The following CNBD2 variants were observed in gnomAD, a reference collection of about 807,000 sequenced individuals.
CNBD2 encodes the protein cyclic nucleotide binding domain containing 2.
CNBD2 carries 64 observed loss-of-function variants against 63.7 expected under a neutral mutation model. That is an observed-to-expected ratio of 1.00 (90% confidence interval 0.82 to 1.24). The LOEUF is 1.24. CNBD2 is among the 50% of genes most tolerant of loss of function. The pLI is 0.00. For missense variants in CNBD2, 691 were observed against 713.5 expected (o/e 0.97, Z 0.36); for synonymous variants, 229 against 255.4 (o/e 0.90, Z 0.99).
chr20:35,968,285 G>A (rs2056364443), upstream of CNBD2, among the ~76,000 whole-genome samples: 1 of 152,162 alleles, frequency 6.6e-6, no homozygotes, highest in Non-Finnish European at 1.5e-5. Context: ...ACACTGTCAT[G>A]GCACTGGTAG....
intron 8 of CNBD2, among the ~76,000 whole-genome samples, chr20:36,000,753 ATTTTT>A (rs34139279): frequency 8.2e-6 from 1 of 121,610 alleles, no homozygotes. Context: ...TGTGTATGAA[ATTTTT>A]TTTTTTTTTT....
intron 7 of CNBD2, among the ~76,000 whole-genome samples, chr20:35,990,065 G>A (rs1358122334): frequency 6.6e-6 from 1 of 152,088 alleles, no homozygotes; most frequent in African/African-American, 2.4e-5. Context: ...CGTCTATTGT[G>A]TCTCTATGGT....
At chr20:36,028,820 C>CGT (rs1288609801) in intron 11 of CNBD2, among the ~76,000 whole-genome samples, 1 of 151,980 alleles carries the variant, frequency 6.6e-6, no homozygotes. Context: ...GGATTACAGG[C>CGT]GTGTGCCACC....
At chr20:36,015,607 G>A (rs910931660) in intron 10 of CNBD2, among the ~76,000 whole-genome samples, 1 of 152,184 alleles carries the variant, frequency 6.6e-6, no homozygotes, top group African/African-American at 2.4e-5. Context: ...AGCTAGGGGA[G>A]GGGGCAGGAA....
chr20:36,026,325 G>A (rs371977490), intron 11 of CNBD2, among the ~76,000 whole-genome samples: 2 of 152,172 alleles, frequency 1.3e-5, no homozygotes, highest in East Asian at 1.9e-4. Context: ...GAGCCACCGC[G>A]CCTGGCCTCC....
In CNBD2 at chr20:35,997,822, CTTGT is replaced by C. The variant is rs781269444; in HGVS notation, c.970+2675_970+2678del. On this transcript the variant is annotated intron_variant, in intron 8 of 11. Coordinates refer to ENST00000373973, the MANE Select transcript of CNBD2 (RefSeq NM_001365709.1). ...GTAAATGTTTCTTCTCATGTCAATT[CTTGT>C]TTGTCACTTTTCCACTGTCAATCCA... Among the ~76,000 whole-genome samples, 93 of 152,110 alleles carry C rather than the reference CTTGT, an allele frequency of 6.1e-4. 2 individuals carry two copies. The highest frequency in any genetic ancestry group is 1.7e-3 in the Admixed American group (26 of 15,268).
chr20:35,994,577 AAAAAAAAAAAAG>A (rs1478685298), intron 7 of CNBD2, among the ~76,000 whole-genome samples: 32 of 144,338 alleles, frequency 2.2e-4, no homozygotes, highest in African/African-American at 7.4e-4. Context: ...TTTTCATTTA[AAAAAAAAAAAAG>A]AAAAAAAAAA....
At chr20:36,016,269 T>C (rs1376094931) in intron 10 of CNBD2, among the ~76,000 whole-genome samples, 1 of 152,134 alleles carries the variant, frequency 6.6e-6, no homozygotes, top group Non-Finnish European at 1.5e-5. Context: ...TATTATTAAA[T>C]GTAATGTTGT....
intron 7 of CNBD2, among the ~76,000 whole-genome samples, chr20:35,988,705 G>C (rs1030797113): frequency 7.9e-5 from 12 of 152,144 alleles, no homozygotes; most frequent in African/African-American, 2.9e-4. Context: ...TCAACTCTCA[G>C]TATCGTAATT....
intron 7 of CNBD2, among the ~76,000 whole-genome samples, chr20:35,992,433 A>G (rs2056760115): frequency 6.6e-6 from 1 of 152,182 alleles, no homozygotes; most frequent in African/African-American, 2.4e-5. Flanking sequence ...GTGCTTTTTA[A>G]AAAGGCAGAT....
chr20:36,013,150 G>T (rs1908776373), intron 10 of CNBD2, among the ~76,000 whole-genome samples: 2 of 152,294 alleles, frequency 1.3e-5, no homozygotes, highest in South Asian at 4.1e-4. Flanking sequence ...CAGGCATAGT[G>T]GCTCACGCCT....
intron 3 of CNBD2, among the ~76,000 whole-genome samples, chr20:35,979,018 T>A (rs185120695): frequency 1.7e-4 from 26 of 152,326 alleles, no homozygotes; most frequent in Admixed American, 1.2e-3. Context: ...TTATGCCAGA[T>A]GTTAATGGCT....
At chr20:35,956,127 C>T (rs143914848), downstream of CNBD2, among the ~76,000 whole-genome samples, 399 of 152,308 alleles carry the variant, frequency 2.6e-3, no homozygotes, top group African/African-American at 8.9e-3. Context: ...CTTTTGAGCC[C>T]GTGCAGGATG....
At chr20:35,983,769 A>C (rs550013636) in intron 4 of CNBD2, among the ~76,000 whole-genome samples, 33 of 152,300 alleles carry the variant, frequency 2.2e-4, no homozygotes, top group Admixed American at 1.6e-3. Context: ...CTCTGCTCTC[A>C]GGAAGCTTCA....
intron 10 of CNBD2, among the ~76,000 whole-genome samples, chr20:36,014,210 G>T (rs73095591): frequency 6.8e-6 from 1 of 146,882 alleles, no homozygotes; most frequent in African/African-American, 2.6e-5. Flanking sequence ...ATATGTATAG[G>T]TATGGGTGGA....
At chr20:35,986,916 A>G (rs2056674943) in intron 6 of CNBD2, among the ~76,000 whole-genome samples, 2 of 152,168 alleles carry the variant, frequency 1.3e-5, no homozygotes, top group Non-Finnish European at 1.5e-5. Context: ...CACTCTCCAG[A>G]CCCAGAGCTG....
chr20:35,965,183 C>CTT (rs369573397), upstream of CNBD2, among the ~76,000 whole-genome samples: 93 of 138,014 alleles, frequency 6.7e-4, 3 homozygotes, highest in Middle Eastern at 0.031. Context: ...CCCTCTCTCT[C>CTT]TTTTTTTTTT....
chr20:36,016,477 T>A (rs1007251648), intron 10 of CNBD2, among the ~76,000 whole-genome samples: 4 of 152,134 alleles, frequency 2.6e-5, no homozygotes, highest in African/African-American at 4.8e-5. Context: ...TTCCTGTAAA[T>A]CTAAAACTGT....
In CNBD2 at chr20:35,972,666, T is replaced by A. The variant is rs778435101; in HGVS notation, c.89T>A (p.Ile30Asn). Residue 30 changes from isoleucine to asparagine, a missense_variant, in exon 2 of 12, where the codon ATC (isoleucine) becomes AAC (asparagine). Coordinates refer to ENST00000373973, the MANE Select transcript of CNBD2 (RefSeq NM_001365709.1). Reference sequence around the variant, plus strand: ...CTCGCCATGGATATCATCATAATGATCCGAGTGTGTAAAATGTTCCGCCAA... The same window carrying A: ...CTCGCCATGGATATCATCATAATGAACCGAGTGTGTAAAATGTTCCGCCAA... Reference protein sequence around the residue: ...YQLAMDIIIMIRVCKMFRQGL... With the variant: ...YQLAMDIIIMNRVCKMFRQGL... The A allele has an allele frequency of 6.2e-7, 1 of 1,614,090 alleles. No homozygotes were observed. The highest frequency in any genetic ancestry group is 1.1e-5 in the South Asian group (1 of 91,080).
Sources: gnomAD v4.1 joint callset for allele counts (sites outside exome capture counted in the v4.1 genomes callset) on GRCh38, gnomAD v4.1.1 for gene constraint, MANE v1.5 for transcripts, NCBI Gene and HGNC (gene_info 2026-07-23, HGNC 2026-07-21) for gene names.